Variants in MAF observed in about 807,000 individuals in gnomAD.
MAF encodes MAF bZIP transcription factor.
MAF carries 10 observed loss-of-function variants against 22.0 expected under a neutral mutation model. The ratio of observed to expected loss-of-function variants is 0.45; its 90% CI spans 0.28 to 0.77. The LOEUF (loss-of-function observed/expected upper bound fraction) is 0.77, where lower values mean the gene tolerates loss of function less well. Ranked by LOEUF, MAF falls within the 30% of genes least tolerant of loss-of-function variation. The pLI is 0.12. For synonymous variants in MAF, 337 were observed against 255.8 expected (o/e 1.32, Z -3.03); for missense variants, 544 against 548.4 (o/e 0.99, Z 0.08).
At chr16:79,475,280 T>A in the MAF span, among the ~76,000 whole-genome samples, 1 of 151,444 alleles carries the variant, frequency 6.6e-6, no homozygotes, top group African/African-American at 2.4e-5. Context: ...AGAAAAAATA[T>A]ATATATTATT....
chr16:79,442,761 A>G, the MAF span, among the ~76,000 whole-genome samples: 1 of 152,246 alleles, frequency 6.6e-6, no homozygotes, highest in Admixed American at 6.5e-5. Flanking sequence ...AGTGTGGCTG[A>G]AGAGAGGCCT....
At chr16:79,350,313 C>T in the MAF span, among the ~76,000 whole-genome samples, 8 of 152,152 alleles carry the variant, frequency 5.3e-5, no homozygotes, top group Admixed American at 4.6e-4. Flanking sequence ...GAGTTACTGA[C>T]TCATATAGAA....
the MAF span, among the ~76,000 whole-genome samples, chr16:79,276,875 G>C: frequency 6.6e-6 from 1 of 152,092 alleles, no homozygotes; most frequent in Admixed American, 6.5e-5. Flanking sequence ...TTCCTTTCAA[G>C]GCTCCAGGGG....
chr16:79,591,986 C>T (rs562342097), downstream of MAF, among the ~76,000 whole-genome samples: 61 of 152,262 alleles, frequency 4.0e-4, no homozygotes, highest in African/African-American at 1.2e-3. Flanking sequence ...AATGGACAGC[C>T]GAGCCTAGTT....
At chr16:79,487,985 C>T in the MAF span, among the ~76,000 whole-genome samples, 19 of 152,180 alleles carry the variant, frequency 1.2e-4, no homozygotes, top group Non-Finnish European at 1.5e-5. Context: ...GACAGCCTGT[C>T]AATCCATTTA....
the MAF span, among the ~76,000 whole-genome samples, chr16:79,390,011 A>G: frequency 1.3e-5 from 2 of 150,390 alleles, no homozygotes; most frequent in African/African-American, 4.9e-5. Context: ...AAATTAAAAT[A>G]AAAAAAAATC....
chr16:79,387,065 T>C, the MAF span, among the ~76,000 whole-genome samples: 2 of 152,208 alleles, frequency 1.3e-5, no homozygotes, highest in African/African-American at 2.4e-5. Context: ...AGTCACACCA[T>C]CATACCTGTT....
chr16:79,229,071 C>T, the MAF span, among the ~76,000 whole-genome samples: 1 of 151,898 alleles, frequency 6.6e-6, no homozygotes, highest in African/African-American at 2.4e-5. Context: ...ATCCCCTTCT[C>T]ACCCACGGAG....
downstream of MAF, among the ~76,000 whole-genome samples, chr16:79,592,108 C>A (rs1170929549): frequency 6.6e-6 from 1 of 152,214 alleles, no homozygotes; most frequent in East Asian, 1.9e-4. Context: ...TCCCCTTTCT[C>A]TTGTTTCCCT....
chr16:79,224,859 G>C, the MAF span, among the ~76,000 whole-genome samples: 11 of 152,112 alleles, frequency 7.2e-5, no homozygotes, highest in African/African-American at 2.7e-4. Flanking sequence ...AAGGAAATAA[G>C]AGAGGACACA....
chr16:79,277,070 C>T, the MAF span, among the ~76,000 whole-genome samples: 2 of 152,154 alleles, frequency 1.3e-5, no homozygotes, highest in South Asian at 2.1e-4. Context: ...TCCGGTCTCA[C>T]TCTGTGCCCC....
At chr16:79,207,633 T>C in the MAF span, among the ~76,000 whole-genome samples, 2 of 152,256 alleles carry the variant, frequency 1.3e-5, no homozygotes, top group Non-Finnish European at 2.9e-5. Flanking sequence ...ATCTCATAGT[T>C]AAGTCTACTT....
intron 1 of MAF, chr16:79,595,988 T>C (rs1465394308): frequency 9.4e-7 from 1 of 1,060,966 alleles, no homozygotes; most frequent in Non-Finnish European, 1.1e-6. Context: ...TGTCAGGCCT[T>C]GCTAACAAGA....
chr16:79,594,280 T>A lies in MAF; in HGVS notation c.*180A>T, dbSNP rs1913367539. ...GCAGGAGTGCGCTTTCCTACCGGTCTCTATGAAACCCCCAGACAAGAGGCA... is the reference window on the plus strand; with the variant it reads ...GCAGGAGTGCGCTTTCCTACCGGTCACTATGAAACCCCCAGACAAGAGGCA... On this transcript the variant is annotated 3_prime_UTR_variant, in exon 2 of 2. Coordinates refer to ENST00000326043, the MANE Select transcript of MAF (RefSeq NM_005360.5). 1.6e-6 allele frequency: 1 copy of A among 635,958 alleles called. No individual in the cohort carries two copies. The highest frequency in any genetic ancestry group is 1.8e-5 in the African/African-American group (1 of 54,752). 39.4% of individuals were successfully genotyped at this position (635,958 alleles called of 1,614,324 possible).
the MAF span, among the ~76,000 whole-genome samples, chr16:79,570,177 G>A: frequency 5.3e-5 from 8 of 152,070 alleles, no homozygotes; most frequent in Non-Finnish European, 7.4e-5. Flanking sequence ...GCAAGGTAAA[G>A]GAATTATTGC....
the MAF span, among the ~76,000 whole-genome samples, chr16:79,403,299 T>C: frequency 3.9e-5 from 6 of 152,168 alleles, no homozygotes; most frequent in South Asian, 2.1e-4. Context: ...TGGAGCGGTA[T>C]AGGGGCTCAG....
the MAF span, among the ~76,000 whole-genome samples, chr16:79,542,967 A>ATGTGTGTGCATGCACACGTGTG: frequency 3.1e-4 from 47 of 152,346 alleles, no homozygotes; most frequent in South Asian, 7.5e-3. Context: ...AGGATTGCAT[A>ATGTGTGTGCATGCACACGTGTG]TGTGTGTGCA....
At chr16:79,271,003 T>C in the MAF span, among the ~76,000 whole-genome samples, 1 of 151,148 alleles carries the variant, frequency 6.6e-6, no homozygotes, top group African/African-American at 2.4e-5. Context: ...TGGGTTCAAG[T>C]GATTCTCCTG....
At chr16:79,414,754 T>C in the MAF span, among the ~76,000 whole-genome samples, 2,078 of 152,286 alleles carry the variant, frequency 0.014, 47 homozygotes, top group African/African-American at 0.047. Flanking sequence ...GTTTTGTTAA[T>C]CAGGAAAAAC....
Sources: allele counts gnomAD v4.1 joint callset (sites outside exome capture counted in the v4.1 genomes callset), GRCh38; gene constraint gnomAD v4.1.1; transcripts MANE v1.5; gene names NCBI Gene and HGNC (gene_info 2026-07-23, HGNC 2026-07-21).